Variants in HMGN3 observed in about 807,000 individuals in gnomAD.
The protein encoded by HMGN3 is high mobility group nucleosomal binding domain 3, also known as high mobility group nucleosome-binding domain-containing protein 3.
A neutral mutation model predicts 18.8 loss-of-function variants in HMGN3; 6 were observed. The observed-to-expected ratio is 0.32, with a 90% CI of 0.18 to 0.63. The LOEUF (loss-of-function observed/expected upper bound fraction) is 0.63, where lower values mean the gene tolerates loss of function less well. Among genes scored for constraint, HMGN3 ranks in the 30% least tolerant of loss-of-function variants. HMGN3 has a pLI of 0.79. For synonymous variants in HMGN3, 40 were observed against 36.5 expected, an observed-to-expected ratio of 1.10 and a Z score of -0.35; for missense variants, 107 against 114.2, an observed-to-expected ratio of 0.94 and a Z score of 0.29.
intron 1 of HMGN3, among the ~76,000 whole-genome samples, chr6:79,228,333 T>C (rs1226142627): frequency 2.0e-5 from 3 of 152,346 alleles, no homozygotes; most frequent in Non-Finnish European, 2.9e-5. Context: ...TGATGCCCAA[T>C]GAATGTTTAA....
chr6:79,202,639 A>C (rs540591716), intron 4 of HMGN3, among the ~76,000 whole-genome samples: 58 of 152,262 alleles, frequency 3.8e-4, no homozygotes, highest in Non-Finnish European at 2.9e-5. Flanking sequence ...TGGAAAACAC[A>C]ATGATTCCTC....
chr6:79,205,466 C>T (rs1776377108), intron 3 of HMGN3, among the ~76,000 whole-genome samples: 1 of 152,266 alleles, frequency 6.6e-6, no homozygotes. Context: ...CACAAGCGCT[C>T]TCTCTCTTTG....
At chr6:79,201,532 A>C (rs1776132740) in exon 6 of HMGN3, 1 of 572,182 alleles carries the variant, frequency 1.7e-6, no homozygotes, top group African/African-American at 1.9e-5. Context: ...TCCAAAAAGC[A>C]TGACTATGAG....
chr6:79,220,095 C>G (rs989594448), intron 1 of HMGN3, among the ~76,000 whole-genome samples: 4 of 151,946 alleles, frequency 2.6e-5, no homozygotes, highest in Non-Finnish European at 4.4e-5. Context: ...GAAGTGGGGT[C>G]GGTAGATAAG....
intron 1 of HMGN3, among the ~76,000 whole-genome samples, chr6:79,215,832 A>C (rs189441496): frequency 1.1e-3 from 171 of 152,364 alleles, no homozygotes; most frequent in African/African-American, 4.0e-3. Flanking sequence ...TATTAAAACA[A>C]CTAAACTACT....
At chr6:79,216,696 G>T (rs1297480451) in intron 1 of HMGN3, among the ~76,000 whole-genome samples, 1 of 152,166 alleles carries the variant, frequency 6.6e-6, no homozygotes, top group African/African-American at 2.4e-5. Flanking sequence ...TTCGTTTATA[G>T]ATCTTGTGTT....
chr6:79,208,639 T>A, intron 2 of HMGN3, 63 bp from the exon 3 acceptor site: 1 of 1,232,790 alleles, frequency 8.1e-7, no homozygotes, highest in Non-Finnish European at 1.2e-6. Flanking sequence ...AGTTGATTTT[T>A]AAAAATCTAT....
At chr6:79,201,849 C>G in intron 5 of HMGN3, 123 bp from the exon 7 acceptor site, 2 of 1,467,514 alleles carry the variant, frequency 1.4e-6, no homozygotes, top group Non-Finnish European at 1.8e-6. Context: ...TCCAGCTTTA[C>G]TGCAAAACCT....
chr6:79,214,854 A>G, intron 2 of HMGN3, 118 bp downstream of exon 2: 4 of 659,414 alleles, frequency 6.1e-6, no homozygotes, highest in Non-Finnish European at 1.1e-5. Flanking sequence ...AACCTTGATC[A>G]TTCATATTAA....
intron 4 of HMGN3, 138 bp from the exon 5 acceptor site, chr6:79,202,527 C>T: frequency 2.9e-6 from 2 of 701,580 alleles, no homozygotes; most frequent in Non-Finnish European, 4.9e-6. Context: ...ACACGGGAGC[C>T]TAATTTTGCT....
At chr6:79,223,795 G>T (rs193068022) in intron 1 of HMGN3, among the ~76,000 whole-genome samples, 2 of 150,736 alleles carry the variant, frequency 1.3e-5, no homozygotes, top group African/African-American at 4.9e-5. Flanking sequence ...CAGAAAGCAC[G>T]TGGCTCAATC....
chr6:79,210,241 T>A (rs544488618), intron 2 of HMGN3, among the ~76,000 whole-genome samples: 3 of 152,302 alleles, frequency 2.0e-5, no homozygotes, highest in African/African-American at 7.2e-5. Context: ...TGTGTTTTTT[T>A]AATGTACTTT....
At chr6:79,205,513 T>C (rs1190661685) in intron 3 of HMGN3, among the ~76,000 whole-genome samples, 2 of 152,236 alleles carry the variant, frequency 1.3e-5, no homozygotes, top group African/African-American at 4.8e-5. Flanking sequence ...TTTGCTCCTT[T>C]TGTCTTTCTC....
rs191319919 is a variant in HMGN3 at position 79,206,730 on chromosome 6, C to T, written c.96+1817G>A. Among the ~76,000 whole-genome samples the T allele has an allele frequency of 8.3e-3, 1,263 of 152,290 alleles. 11 individuals are homozygous for T. Among genetic ancestry groups the T allele is most frequent in the Non-Finnish European group, 0.014 (920 of 68,018 alleles). ...AGAAGAGGGCCACTGCCCTCCAGAC[C>T]CCAGAATGGTAGATTCACTGTCAGT... On this transcript the variant is annotated intron_variant, in intron 3 of 5. Transcript: ENST00000344726.
At chr6:79,221,659 C>G (rs1007621366) in intron 1 of HMGN3, among the ~76,000 whole-genome samples, 2 of 152,144 alleles carry the variant, frequency 1.3e-5, no homozygotes, top group Non-Finnish European at 2.9e-5. Flanking sequence ...TAAGAAAATC[C>G]TTACACCCTT....
At chr6:79,219,499 A>C (rs1247568664) in intron 1 of HMGN3, among the ~76,000 whole-genome samples, 1 of 152,170 alleles carries the variant, frequency 6.6e-6, no homozygotes, top group Non-Finnish European at 1.5e-5. Flanking sequence ...AAGGAAAACT[A>C]TGTAAGAAAA....
In HMGN3 at chr6:79,203,642, ATTTAAATTACACAAATAC is replaced by A; in HGVS notation, c.97-30_97-13del. 6.3e-7 allele frequency: 1 copy of A among 1,589,568 alleles called. No individual in the cohort carries two copies. The highest frequency in any genetic ancestry group is 8.6e-7 in the Non-Finnish European group (1 of 1,168,158). On this transcript the variant is annotated splice_polypyrimidine_tract_variant and intron_variant, in intron 3 of 5. Transcript: ENST00000344726. ...GGTGGAGCAGGTTTCTGCAAAGATA[ATTTAAATTACACAAATAC>A]TGAAAAAAAAAAAAAACTATCAGCA...
chr6:79,203,009 G>A (rs913038555), intron 4 of HMGN3, among the ~76,000 whole-genome samples: 9 of 152,042 alleles, frequency 5.9e-5, no homozygotes, highest in Non-Finnish European at 1.2e-4. Flanking sequence ...AGCCATTTTG[G>A]GTAAGTTCCC....
intron 1 of HMGN3, among the ~76,000 whole-genome samples, chr6:79,216,647 T>C (rs1455364582): frequency 6.6e-6 from 1 of 152,218 alleles, no homozygotes; most frequent in Non-Finnish European, 1.5e-5. Flanking sequence ...AAGAAACAGT[T>C]TTCTCTTTTT....
Sources: gnomAD v4.1 joint callset for allele counts (sites outside exome capture counted in the v4.1 genomes callset) on GRCh38, gnomAD v4.1.1 for gene constraint, MANE v1.5 for transcripts, NCBI Gene and HGNC (gene_info 2026-07-23, HGNC 2026-07-21) for gene names.